The following FAM81A variants were observed in gnomAD, a reference collection of about 807,000 sequenced individuals.
FAM81A encodes protein FAM81A.
A neutral mutation model predicts 46.7 loss-of-function variants in FAM81A; 19 were observed. The observed-to-expected ratio is 0.41, with a 90% CI of 0.28 to 0.60. The LOEUF is 0.60. Ranked by LOEUF, FAM81A falls within the 20% of genes least tolerant of loss-of-function variation. The pLI is 0.34. For missense variants in FAM81A, 377 were observed against 453.5 expected, an observed-to-expected ratio of 0.83 and a Z score of 1.53; for synonymous variants, 183 against 152.9, an observed-to-expected ratio of 1.20 and a Z score of -1.45.
chr15:59,466,683 T>C (rs2081618170), intron 3 of FAM81A, among the ~76,000 whole-genome samples: 1 of 152,240 alleles, frequency 6.6e-6, no homozygotes, highest in Admixed American at 6.5e-5. Flanking sequence ...GGTAGTTTCT[T>C]TTGCTGTGCA....
chr15:59,419,679 G>A (rs1043325284), intron 2 of FAM81A, among the ~76,000 whole-genome samples: 2 of 152,118 alleles, frequency 1.3e-5, no homozygotes, highest in Non-Finnish European at 2.9e-5. Context: ...TTCGAGACCA[G>A]CCTGGCCAAC....
At chr15:59,414,139 A>G (rs2081135187) in intron 2 of FAM81A, among the ~76,000 whole-genome samples, 1 of 152,064 alleles carries the variant, frequency 6.6e-6, no homozygotes, top group Non-Finnish European at 1.5e-5. Context: ...TTTTTAGTAG[A>G]GACAGGGTTT....
chr15:59,399,823 C>T (rs2081062477), intron 1 of FAM81A, among the ~76,000 whole-genome samples: 1 of 152,132 alleles, frequency 6.6e-6, no homozygotes, highest in African/African-American at 2.4e-5. Flanking sequence ...AGTGGCCAGC[C>T]ACTCCCTCCA....
intron 2 of FAM81A, among the ~76,000 whole-genome samples, chr15:59,422,043 T>C (rs1246699368): frequency 6.6e-6 from 1 of 152,178 alleles, no homozygotes; most frequent in Non-Finnish European, 1.5e-5. Flanking sequence ...CATTGTATTT[T>C]TTTTAATTGA....
chr15:59,507,425 G>A (rs1230263324), intron 5 of FAM81A, 83 bp downstream of exon 5: 1 of 1,524,014 alleles, frequency 6.6e-7, no homozygotes, highest in African/African-American at 1.4e-5. Context: ...TTTCTTACAG[G>A]AGAAACCAGC....
chr15:59,452,804 T>C (rs949995871), intron 1 of FAM81A, among the ~76,000 whole-genome samples: 5 of 152,248 alleles, frequency 3.3e-5, no homozygotes, highest in Non-Finnish European at 1.5e-5. Flanking sequence ...CTCTGTCACC[T>C]GAGCTGGAGT....
chr15:59,449,780 T>G (rs1454207043), intron 1 of FAM81A, among the ~76,000 whole-genome samples: 5 of 8,820 alleles, frequency 5.7e-4, no homozygotes, highest in African/African-American at 3.1e-3. Context: ...AGACTCTGTC[T>G]CAAAAAAAAA....
intron 1 of FAM81A, among the ~76,000 whole-genome samples, chr15:59,445,949 A>C (rs1441565113): frequency 6.6e-6 from 1 of 152,224 alleles, no homozygotes; most frequent in African/African-American, 2.4e-5. Flanking sequence ...GCCCGGGCCC[A>C]CTGCAGGGTG....
At chr15:59,446,484 A>C (rs1009117429) in intron 1 of FAM81A, 2 of 152,236 alleles carry the variant, frequency 1.3e-5, no homozygotes, top group Non-Finnish European at 2.9e-5. Flanking sequence ...CTGGAAGAGC[A>C]CTGTCAAATG....
intron 3 of FAM81A, among the ~76,000 whole-genome samples, chr15:59,475,827 A>G (rs558411444): frequency 2.0e-5 from 3 of 152,378 alleles, no homozygotes; most frequent in East Asian, 1.9e-4. Context: ...AAGCATGTCT[A>G]CCTAAACATG....
At chr15:59,466,513 T>A (rs182692174) in intron 3 of FAM81A, among the ~76,000 whole-genome samples, 1 of 152,196 alleles carries the variant, frequency 6.6e-6, no homozygotes, top group Non-Finnish European at 1.5e-5. Context: ...TCTTTTGAGA[T>A]GTGTCTGTTC....
chr15:59,520,063 G>A (rs1373608455), intron 8 of FAM81A, among the ~76,000 whole-genome samples: 2 of 150,318 alleles, frequency 1.3e-5, no homozygotes, highest in African/African-American at 2.5e-5. Context: ...ACCCAAATTC[G>A]TAAACTTTCT....
At chr15:59,482,143 T>TA (rs1158421484) in intron 3 of FAM81A, among the ~76,000 whole-genome samples, 26 of 152,328 alleles carry the variant, frequency 1.7e-4, no homozygotes, top group African/African-American at 5.8e-4. Context: ...TTGAACCTTT[T>TA]AAAAAATGTG....
chr15:59,481,928 TTAA>T (rs2081857365), intron 3 of FAM81A, among the ~76,000 whole-genome samples: 1 of 151,924 alleles, frequency 6.6e-6, no homozygotes, highest in Admixed American at 6.6e-5. Flanking sequence ...ATTTGCTTCT[TTAA>T]TAAGTGAAAA....
At chr15:59,485,429 G>A (rs1393993010) in intron 3 of FAM81A, among the ~76,000 whole-genome samples, 2 of 152,200 alleles carry the variant, frequency 1.3e-5, no homozygotes, top group African/African-American at 4.8e-5. Context: ...GAAAGACTTT[G>A]CTTGTTTGGG....
rs150526153 is a variant in FAM81A, at chr15:59,521,288, C to T, written c.1017C>T (p.Leu339=). 1,811 of 1,613,812 alleles carry T rather than the reference C, an allele frequency of 1.1e-3. 24 individuals carry two copies. In the African/African-American group the frequency reaches 0.021, roughly 19 times the overall value. The part of the protein sequence containing the change: ...FTAVYESIGS[L]RQVLEAKMKL... ...CCGTCTATGAAAGCATAGGATCCCT[C>T]AGGCAAGTTCTCGAGGCCAAGATGA... The change falls in exon 9 of 9, where the codon CTC becomes CTT. Residue 339 remains leucine (L), a synonymous_variant. Coordinates refer to ENST00000288228, the MANE Select transcript of FAM81A (RefSeq NM_152450.3).
chr15:59,416,259 C>T (rs1417047172), intron 2 of FAM81A, among the ~76,000 whole-genome samples: 8 of 152,132 alleles, frequency 5.3e-5, no homozygotes, highest in African/African-American at 1.7e-4. Flanking sequence ...TGGTGGTCAC[C>T]GCTGTGTGCA....
intron 2 of FAM81A, among the ~76,000 whole-genome samples, chr15:59,429,684 G>T (rs1296010336): frequency 6.6e-6 from 1 of 152,104 alleles, no homozygotes; most frequent in Non-Finnish European, 1.5e-5. Flanking sequence ...ATATCACTGG[G>T]ATTTATTTTA....
intron 5 of FAM81A, among the ~76,000 whole-genome samples, chr15:59,508,127 C>A (rs990621383): frequency 1.3e-5 from 2 of 152,092 alleles, no homozygotes; most frequent in African/African-American, 2.4e-5. Flanking sequence ...ATAATAATTT[C>A]TTTTTTGAAG....
Sources: allele counts gnomAD v4.1 joint callset (sites outside exome capture counted in the v4.1 genomes callset), GRCh38; gene constraint gnomAD v4.1.1; transcripts MANE v1.5; gene names NCBI Gene and HGNC (gene_info 2026-07-23, HGNC 2026-07-21).